Variants in KALRN observed in about 807,000 individuals in gnomAD.
KALRN encodes kalirin RhoGEF kinase.
In KALRN, 70 loss-of-function variants were observed where a neutral mutation model predicts 353.7. That is an observed-to-expected ratio of 0.20 (90% CI 0.16 to 0.24). The LOEUF is 0.24. Ranked by LOEUF, KALRN falls within the 10% of genes least tolerant of loss-of-function variation. The pLI is 1.00. For missense variants in KALRN, 2,791 were observed against 3,756.7 expected (o/e 0.74, Z 6.72); for synonymous variants, 1,391 against 1,434.8 (o/e 0.97, Z 0.69).
At chr3:124,460,717 G>T (rs1184784945) in intron 23 of KALRN, among the ~76,000 whole-genome samples, 3 of 152,166 alleles carry the variant, frequency 2.0e-5, no homozygotes, top group African/African-American at 7.2e-5. Flanking sequence ...TTGTAATTCA[G>T]TTCCTATCTG....
At chr3:124,192,440 A>G (rs1272608295) in intron 1 of KALRN, among the ~76,000 whole-genome samples, 1 of 152,210 alleles carries the variant, frequency 6.6e-6, no homozygotes, top group Non-Finnish European at 1.5e-5. Flanking sequence ...AAAAAATTAG[A>G]ATGAATAACA....
At chr3:124,262,911 C>G (rs571230378) in intron 3 of KALRN, among the ~76,000 whole-genome samples, 12 of 152,030 alleles carry the variant, frequency 7.9e-5, no homozygotes, top group Admixed American at 2.6e-4. Flanking sequence ...AGTGAAAGAC[C>G]CTAAGGAAAT....
At chr3:124,699,731 C>A in intron 55 of KALRN, 138 bp from the exon 56 acceptor site, 1 of 779,886 alleles carries the variant, frequency 1.3e-6, no homozygotes, top group South Asian at 1.8e-5. Flanking sequence ...AGCCTACAGG[C>A]TTTCAGAGCC....
At chr3:124,533,870 G>C (rs548145622) in intron 33 of KALRN, among the ~76,000 whole-genome samples, 1 of 152,260 alleles carries the variant, frequency 6.6e-6, no homozygotes, top group East Asian at 1.9e-4. Context: ...GAAAGGGAGG[G>C]AAAGAGTAAC....
At position 124,347,149 on chromosome 3, in the gene KALRN, G is replaced by T. The variant is rs1031039993; in HGVS notation, c.1654G>T (p.Asp552Tyr). The change falls in exon 10 of 60, where the codon GAC (aspartate) becomes TAC (tyrosine). Residue 552 changes from aspartate to tyrosine, a missense_variant. Physicochemically the swap from Asp to Tyr is radical, Grantham distance 160 (BLOSUM62 -3). Transcript: ENST00000682506. Reference sequence around the variant, plus strand: ...GTTATCCTTCTTTGACCAGGTGTTGGACTGGATTGAAAACCATGGTGAGGC... The same window carrying T: ...GTTATCCTTCTTTGACCAGGTGTTGTACTGGATTGAAAACCATGGTGAGGC... ...VFQQDVQQVL[D>Y]WIENHGEAFL... 3 of 1,614,118 alleles carry T rather than the reference G, an allele frequency of 1.9e-6. No homozygotes were observed. Among genetic ancestry groups the T allele is most frequent in the Non-Finnish European group, 2.5e-6 (3 of 1,180,008 alleles).
intron 13 of KALRN, among the ~76,000 whole-genome samples, chr3:124,411,648 G>A (rs144815663): frequency 5.8e-4 from 88 of 151,928 alleles, no homozygotes; most frequent in African/African-American, 2.1e-3. Context: ...TTCTCACTGC[G>A]TTGACCAGGC....
chr3:124,480,623 C>A (rs1382171880), intron 27 of KALRN, among the ~76,000 whole-genome samples: 3 of 152,128 alleles, frequency 2.0e-5, no homozygotes, highest in African/African-American at 7.2e-5. Flanking sequence ...CAGGTATGTG[C>A]AACCATCCCT....
intron 1 of KALRN, among the ~76,000 whole-genome samples, chr3:124,034,258 G>A (rs2039191601): frequency 6.6e-6 from 1 of 152,298 alleles, no homozygotes; most frequent in Non-Finnish European, 1.5e-5. Context: ...GGGGCCCGGG[G>A]CCCTGATGTG....
intron 38 of KALRN, among the ~76,000 whole-genome samples, chr3:124,651,980 C>A (rs1311305799): frequency 6.6e-6 from 1 of 152,100 alleles, no homozygotes; most frequent in African/African-American, 2.4e-5. Context: ...GTGTTGGAAG[C>A]AGAGCTACTG....
chr3:124,421,146 C>T (rs538356517), intron 14 of KALRN, among the ~76,000 whole-genome samples: 36 of 152,254 alleles, frequency 2.4e-4, no homozygotes, highest in Middle Eastern at 3.4e-3. Context: ...TTGGACAGAA[C>T]TAAGAAGCTG....
chr3:124,537,566 G>A (rs1577808108), intron 33 of KALRN, among the ~76,000 whole-genome samples: 2 of 152,182 alleles, frequency 1.3e-5, no homozygotes, highest in East Asian at 1.9e-4. Context: ...AACTGGCCTC[G>A]AGGATGGAAA....
At chr3:124,054,330 A>C (rs936372180) in intron 1 of KALRN, among the ~76,000 whole-genome samples, 11 of 79,404 alleles carry the variant, frequency 1.4e-4, no homozygotes, top group African/African-American at 3.7e-4. Flanking sequence ...CAAGACCAAC[A>C]TGGGCAACAT....
At chr3:124,155,007 G>A (rs1456270117) in intron 1 of KALRN, among the ~76,000 whole-genome samples, 6 of 152,322 alleles carry the variant, frequency 3.9e-5, no homozygotes, top group African/African-American at 1.4e-4. Context: ...AAGCAATGGG[G>A]AAAGGATTCC....
chr3:124,264,074 C>A (rs758526670), intron 3 of KALRN, among the ~76,000 whole-genome samples: 1 of 135,180 alleles, frequency 7.4e-6, no homozygotes, highest in African/African-American at 2.8e-5. Flanking sequence ...TTTTTTTTTG[C>A]GGTGGAGGGG....
chr3:124,067,766 G>A (rs1252667634), intron 1 of KALRN, among the ~76,000 whole-genome samples: 1 of 152,228 alleles, frequency 6.6e-6, no homozygotes, highest in Non-Finnish European at 1.5e-5. Flanking sequence ...CTTTTTCAGA[G>A]AGGCTCTGGG....
chr3:124,550,637 TGCC>T (rs2070370895), intron 33 of KALRN, among the ~76,000 whole-genome samples: 1 of 152,154 alleles, frequency 6.6e-6, no homozygotes, highest in Non-Finnish European at 1.5e-5. Flanking sequence ...GGCTACTTAG[TGCC>T]ACTAGACCTC....
intron 1 of KALRN, among the ~76,000 whole-genome samples, chr3:124,218,925 G>T (rs2077604113): frequency 6.6e-6 from 1 of 152,186 alleles, no homozygotes. Flanking sequence ...ATTCCTCAAA[G>T]GTAGCCCATT....
chr3:124,204,381 G>A (rs535732048), intron 1 of KALRN, among the ~76,000 whole-genome samples: 1 of 152,260 alleles, frequency 6.6e-6, no homozygotes, highest in South Asian at 2.1e-4. Flanking sequence ...AAACTGCTGT[G>A]GGCTACAAAT....
chr3:124,326,915 T>C (rs1478090541), intron 7 of KALRN, among the ~76,000 whole-genome samples: 1 of 152,244 alleles, frequency 6.6e-6, no homozygotes, highest in Non-Finnish European at 1.5e-5. Flanking sequence ...TTCCTGATTA[T>C]TTTACAACAT....
Sources: allele counts gnomAD v4.1 joint callset (sites outside exome capture counted in the v4.1 genomes callset), GRCh38; gene constraint gnomAD v4.1.1; transcripts MANE v1.5; gene names NCBI Gene and HGNC (gene_info 2026-07-23, HGNC 2026-07-21).